Variants in RANBP17 observed in about 807,000 individuals in gnomAD.
The protein encoded by RANBP17 is ran-binding protein 17.
Under a neutral mutation model 141.2 loss-of-function variants are expected in RANBP17, and 158 were observed. The ratio of observed to expected loss-of-function variants is 1.12; its 90% CI spans 0.98 to 1.28. The LOEUF (loss-of-function observed/expected upper bound fraction) is 1.28, where lower values mean the gene tolerates loss of function less well. Ranked by LOEUF, RANBP17 falls within the 50% of genes most tolerant of loss-of-function variation. RANBP17 has a pLI of 0.00. For missense variants in RANBP17, 1,438 were observed against 1,290.7 expected (o/e 1.11, Z -1.75); for synonymous variants, 430 against 450.0 (o/e 0.96, Z 0.56).
intron 12 of RANBP17, among the ~76,000 whole-genome samples, chr5:170,946,106 C>T (rs1774736847): frequency 6.6e-6 from 1 of 152,074 alleles, no homozygotes; most frequent in African/African-American, 2.4e-5. Flanking sequence ...AGTCACAGCT[C>T]TGCACTTTTA....
chr5:170,946,074 G>C (rs897273704), intron 12 of RANBP17, among the ~76,000 whole-genome samples: 1 of 152,050 alleles, frequency 6.6e-6, no homozygotes, highest in Non-Finnish European at 1.5e-5. Context: ...ATGAACTTTT[G>C]GAAATTCATT....
chr5:170,927,331 C>T (rs1025283794), intron 12 of RANBP17, among the ~76,000 whole-genome samples: 1 of 152,068 alleles, frequency 6.6e-6, no homozygotes, highest in Non-Finnish European at 1.5e-5. Context: ...AGGTTTGTTA[C>T]ATAGGTATAC....
intron 1 of RANBP17, among the ~76,000 whole-genome samples, chr5:170,869,889 C>G (rs902260614): frequency 2.6e-5 from 4 of 152,138 alleles, no homozygotes; most frequent in Non-Finnish European, 5.9e-5. Flanking sequence ...TTAAAAACAA[C>G]TGTGTACCAG....
chr5:171,090,220 C>G (rs918855778), intron 14 of RANBP17, among the ~76,000 whole-genome samples: 2 of 152,126 alleles, frequency 1.3e-5, no homozygotes, highest in Admixed American at 6.5e-5. Context: ...ACAGTGAAAT[C>G]CAGGCTGAGG....
At chr5:171,199,121 T>C (rs928399114) in intron 18 of RANBP17, among the ~76,000 whole-genome samples, 1 of 152,060 alleles carries the variant, frequency 6.6e-6, no homozygotes, top group African/African-American at 2.4e-5. Context: ...AGTGTACCCA[T>C]GGAGAATGTA....
At chr5:170,891,935 C>T (rs968083056) in intron 3 of RANBP17, among the ~76,000 whole-genome samples, 2 of 152,118 alleles carry the variant, frequency 1.3e-5, no homozygotes, top group Non-Finnish European at 2.9e-5. Context: ...GTGTTCTATT[C>T]ACGTTTTTCC....
chr5:171,267,033 T>TC (rs1766754283), intron 25 of RANBP17, among the ~76,000 whole-genome samples: 1 of 143,994 alleles, frequency 6.9e-6, no homozygotes, highest in Admixed American at 6.9e-5. Flanking sequence ...TTTCTTTTTT[T>TC]TTTTTTTTTT....
chr5:171,254,488 G>A (rs1765766057), intron 24 of RANBP17, among the ~76,000 whole-genome samples: 1 of 152,066 alleles, frequency 6.6e-6, no homozygotes, highest in Non-Finnish European at 1.5e-5. Flanking sequence ...ACCCTTTGAA[G>A]ATTACATTTT....
chr5:171,003,242 A>G (rs980521606), intron 14 of RANBP17, among the ~76,000 whole-genome samples: 2 of 152,174 alleles, frequency 1.3e-5, no homozygotes, highest in South Asian at 4.1e-4. Context: ...AACAGTTAGG[A>G]TGAGTCAGGG....
intron 27 of RANBP17, among the ~76,000 whole-genome samples, chr5:171,298,153 C>A (rs1768937250): frequency 6.6e-6 from 1 of 152,252 alleles, no homozygotes; most frequent in South Asian, 2.1e-4. Flanking sequence ...CCACCGCACC[C>A]AGCCTAAATT....
rs1350657883 is a variant in RANBP17 at position 170,924,541 on chromosome 5, A to T, written c.1459A>T (p.Ile487Phe). The T allele has an allele frequency of 7.5e-6, 12 of 1,595,388 alleles. No individual in the cohort carries two copies. The highest frequency in any genetic ancestry group is 6.0e-6 in the Non-Finnish European group (7 of 1,165,142). The change falls in exon 12 of 28, where the codon ATT becomes TTT. Residue 487 changes from isoleucine to phenylalanine, a missense_variant. Transcript: ENST00000523189. ...TTCTGGTGTAACTGTGGACATCACCATTCAGGAAGGTCAGTAAACTTTATA... is the reference window on the plus strand; with the variant it reads ...TTCTGGTGTAACTGTGGACATCACCTTTCAGGAAGGTCAGTAAACTTTATA... ...PYSGVTVDIT[I>F]QEGRLAWLVY...
At chr5:171,055,648 A>C (rs560563575) in intron 14 of RANBP17, among the ~76,000 whole-genome samples, 1 of 152,182 alleles carries the variant, frequency 6.6e-6, no homozygotes, top group South Asian at 2.1e-4. Context: ...AATTCCTCTT[A>C]TCTTGAGGTT....
rs974886530 is a variant in RANBP17 at position 170,864,018 on chromosome 5, G to A, written c.18+1967G>A. On this transcript the variant is annotated intron_variant, in intron 1 of 27. Coordinates refer to ENST00000523189, the MANE Select transcript of RANBP17 (RefSeq NM_022897.5). ...TAATCAGTTAACTCAAGGAACATTT[G>A]TTAATAGTGATAACCAGTACCTAGC... 5.9e-5 allele frequency among the ~76,000 whole-genome samples: 9 copies of A among 152,284 alleles called. No individual in the cohort carries two copies. In the East Asian group the frequency reaches 1.5e-3, roughly 26 times the overall value.
At chr5:170,952,620 CTT>C (rs374945677) in intron 12 of RANBP17, among the ~76,000 whole-genome samples, 33 of 152,080 alleles carry the variant, frequency 2.2e-4, no homozygotes, top group African/African-American at 7.7e-4. Flanking sequence ...CAGATAGCCT[CTT>C]TTCTTCATTA....
intron 14 of RANBP17, among the ~76,000 whole-genome samples, chr5:171,136,573 CTT>C (rs1757302011): frequency 6.6e-6 from 1 of 152,140 alleles, no homozygotes; most frequent in Non-Finnish European, 1.5e-5. Context: ...AAAAATGAAT[CTT>C]GTGTCTTTTC....
intron 14 of RANBP17, among the ~76,000 whole-genome samples, chr5:171,133,128 C>T (rs930772124): frequency 9.2e-5 from 14 of 152,120 alleles, no homozygotes; most frequent in African/African-American, 3.4e-4. Flanking sequence ...TTTTGATCCA[C>T]CCACCTCAGC....
rs536477729 is a variant in RANBP17, at chr5:170,940,137, A to T, written c.1469-13460A>T. 1.1e-3 allele frequency among the ~76,000 whole-genome samples: 169 copies of T among 152,342 alleles called. 1 individual carries two copies. Among genetic ancestry groups the T allele is most frequent in the African/African-American group, 3.8e-3 (159 of 41,580 alleles). ...ATATTTTAAAAATAGCCAATTAATTATAAGTTACATACTCAAAACATTAAA... is the reference window on the plus strand; with the variant it reads ...ATATTTTAAAAATAGCCAATTAATTTTAAGTTACATACTCAAAACATTAAA... On this transcript the variant is annotated intron_variant, in intron 12 of 27. Coordinates refer to ENST00000523189, the MANE Select transcript of RANBP17 (RefSeq NM_022897.5).
At chr5:170,973,872 C>T (rs1777169333) in intron 14 of RANBP17, among the ~76,000 whole-genome samples, 1 of 152,156 alleles carries the variant, frequency 6.6e-6, no homozygotes, top group South Asian at 2.1e-4. Context: ...CTCTCTCAGA[C>T]CACTTATGAG....
chr5:171,189,159 T>C (rs1034865451), intron 18 of RANBP17, among the ~76,000 whole-genome samples: 1 of 152,206 alleles, frequency 6.6e-6, no homozygotes, highest in Non-Finnish European at 1.5e-5. Flanking sequence ...GCTTGGTGCA[T>C]GGTAGGTGCT....
Sources: allele counts gnomAD v4.1 joint callset (sites outside exome capture counted in the v4.1 genomes callset), GRCh38; gene constraint gnomAD v4.1.1; transcripts MANE v1.5; gene names NCBI Gene and HGNC (gene_info 2026-07-23, HGNC 2026-07-21).